The following PIKFYVE variants were observed in gnomAD, a reference collection of about 807,000 sequenced individuals.
PIKFYVE encodes 1-phosphatidylinositol 3-phosphate 5-kinase.
Under a neutral mutation model 257.9 loss-of-function variants are expected in PIKFYVE, and 122 were observed. The observed-to-expected ratio is 0.47, with a 90% CI of 0.41 to 0.55. PIKFYVE has a LOEUF of 0.55. PIKFYVE is among the 20% of genes least tolerant of loss of function. The probability of loss-of-function intolerance (pLI) is 0.00; values close to 1 mark genes in which losing one functional copy is unlikely to be tolerated. For missense variants in PIKFYVE, 2,160 were observed against 2,536.6 expected, an observed-to-expected ratio of 0.85 and a Z score of 3.19; for synonymous variants, 892 against 868.9, an observed-to-expected ratio of 1.03 and a Z score of -0.47.
chr2:208,354,700 T>A, intron 41 of PIKFYVE, 55 bp downstream of exon 41: 1 of 1,381,110 alleles, frequency 7.2e-7, no homozygotes, highest in Non-Finnish European at 1.0e-6. Context: ...TCAGTTAAAA[T>A]TTTAAAAGTG....
intron 21 of PIKFYVE, among the ~76,000 whole-genome samples, chr2:208,329,269 G>A (rs553382045): frequency 4.7e-4 from 71 of 152,254 alleles, no homozygotes; most frequent in South Asian, 1.5e-3. Flanking sequence ...GTGAGCTCAT[G>A]GGTTCTTCTA....
intron 23 of PIKFYVE, among the ~76,000 whole-genome samples, 166 bp downstream of exon 23, chr2:208,330,860 A>G (rs1697463960): frequency 6.6e-6 from 1 of 151,442 alleles, no homozygotes; most frequent in South Asian, 2.1e-4. Flanking sequence ...TCAATCTAGT[A>G]TTCGTTTTTT....
intron 20 of PIKFYVE, among the ~76,000 whole-genome samples, chr2:208,327,565 C>G (rs190986056): frequency 2.8e-4 from 43 of 152,218 alleles, no homozygotes; most frequent in African/African-American, 7.7e-4. Context: ...ACAAAACCCC[C>G]TGTTTGTACT....
chr2:208,346,438 T>C (rs1574741571), intron 34 of PIKFYVE, among the ~76,000 whole-genome samples: 3 of 152,334 alleles, frequency 2.0e-5, no homozygotes, highest in Admixed American at 2.0e-4. Flanking sequence ...GTTTAAAATA[T>C]ACAACCTAAG....
At chr2:208,294,789 C>G (rs1206577390) in intron 7 of PIKFYVE, among the ~76,000 whole-genome samples, 1 of 152,118 alleles carries the variant, frequency 6.6e-6, no homozygotes, top group Non-Finnish European at 1.5e-5. Context: ...AGGTTAGGCT[C>G]TGGTAAAATA....
chr2:208,291,668 C>T (rs1052705010), intron 7 of PIKFYVE, among the ~76,000 whole-genome samples: 6 of 151,976 alleles, frequency 3.9e-5, no homozygotes, highest in Admixed American at 6.6e-5. Context: ...AGGTCTGTTT[C>T]GATTTTCATT....
chr2:208,351,980 A>AT (rs1699815548), intron 38 of PIKFYVE, among the ~76,000 whole-genome samples: 1 of 152,144 alleles, frequency 6.6e-6, no homozygotes, highest in African/African-American at 2.4e-5. Context: ...GGTAAGATAT[A>AT]TGCAGGACAC....
chr2:208,301,725 G>A (rs1693705495), intron 9 of PIKFYVE, among the ~76,000 whole-genome samples: 1 of 152,148 alleles, frequency 6.6e-6, no homozygotes, highest in Non-Finnish European at 1.5e-5. Flanking sequence ...TCACCATGAG[G>A]AAAATTGTGT....
At chr2:208,343,374 C>CT (rs1698904952) in intron 32 of PIKFYVE, among the ~76,000 whole-genome samples, 1 of 152,174 alleles carries the variant, frequency 6.6e-6, no homozygotes, top group Non-Finnish European at 1.5e-5. Flanking sequence ...AATTTTTCTA[C>CT]TTAGAAAACA....
chr2:208,283,837 G>T (rs1023594971), intron 5 of PIKFYVE, among the ~76,000 whole-genome samples: 1 of 152,114 alleles, frequency 6.6e-6, no homozygotes. Flanking sequence ...GCCTGCCTTG[G>T]CCTCCCAAAG....
At chr2:208,334,687 G>T (rs1697939189) in intron 24 of PIKFYVE, among the ~76,000 whole-genome samples, 1 of 152,116 alleles carries the variant, frequency 6.6e-6, no homozygotes, top group Admixed American at 6.6e-5. Context: ...CTGAACATCT[G>T]ATATGTATTT....
chr2:208,332,507 A>G (rs1199152983), intron 23 of PIKFYVE, among the ~76,000 whole-genome samples: 4 of 152,212 alleles, frequency 2.6e-5, no homozygotes, highest in Non-Finnish European at 5.9e-5. Context: ...GTAAATATGT[A>G]TATACAAGGA....
At chr2:208,353,656 A>G (rs1699969631) in intron 39 of PIKFYVE, among the ~76,000 whole-genome samples, 1 of 152,088 alleles carries the variant, frequency 6.6e-6, no homozygotes, top group East Asian at 1.9e-4. Context: ...CGTTTCAGTA[A>G]TTGAGTACCT....
intron 28 of PIKFYVE, among the ~76,000 whole-genome samples, chr2:208,337,715 A>G (rs1698290499): frequency 6.6e-6 from 1 of 151,770 alleles, no homozygotes. Flanking sequence ...CTTTTCAGGG[A>G]CTCTGCAAAA....
intron 6 of PIKFYVE, among the ~76,000 whole-genome samples, chr2:208,288,049 AT>A: frequency 6.6e-6 from 1 of 152,336 alleles, no homozygotes; most frequent in Middle Eastern, 3.4e-3. Context: ...TTAGTTAGTA[AT>A]GCTTTTTAGT....
chr2:208,354,271 C>T, intron 40 of PIKFYVE, 112 bp downstream of exon 40: 4 of 1,357,922 alleles, frequency 2.9e-6, no homozygotes, highest in African/African-American at 1.5e-5. Context: ...CACAAACTTT[C>T]ATTTGAAATT....
Position 208,324,919 on chromosome 2 carries a change from G to T in PIKFYVE, c.2340G>T (p.Leu780Phe). The change falls in exon 19 of 42, where the codon TTG becomes TTT. Residue 780 changes from leucine to phenylalanine, a missense_variant. Leu to Phe is a conservative substitution (Grantham distance 22, BLOSUM62 0). Transcript: ENST00000264380. ...TLVINVKSQV[L>F]ERISRMTQGD... ...GTTTTTCTGTTTTGTAGCAAGTTTTGGAACGAATCAGTCGAATGACCCAAG... is the reference window on the plus strand; with the variant it reads ...GTTTTTCTGTTTTGTAGCAAGTTTTTGAACGAATCAGTCGAATGACCCAAG... 6 of 1,613,836 alleles carry T rather than the reference G, an allele frequency of 3.7e-6. No individual in the cohort carries two copies. The highest frequency in any genetic ancestry group is 5.1e-6 in the Non-Finnish European group (6 of 1,179,860).
chr2:208,315,305 A>T lies in PIKFYVE; in HGVS notation c.1939A>T (p.Thr647Ser). The T allele has an allele frequency of 6.2e-7, 1 of 1,614,166 alleles. No homozygotes were observed. The highest frequency in any genetic ancestry group is 8.5e-7 in the Non-Finnish European group (1 of 1,180,020). ...IVSLVCQVVQ[T>S]VRPDVKNQDD... ...GTCATTGGTCTGCCAGGTTGTTCAG[A>T]CAGTCCGACCTGATGTCAAGAACCA... Residue 647 changes from threonine to serine, a missense_variant, in exon 15 of 42, where the codon ACA becomes TCA. Thr to Ser is a moderately conservative substitution (Grantham distance 58). Around this residue, in one of 12 missense-constraint regions of PIKFYVE, gnomAD observed 346 missense variants for 365.6 expected, o/e 0.95. Transcript: ENST00000264380.
In PIKFYVE at chr2:208,342,567, C is replaced by T; in HGVS notation, c.4945C>T (p.His1649Tyr). Reference sequence around the variant, plus strand: ...AAATTTGCATAGTGATCCAGATAAACACTACTTAATGTATGAACATGAACG... The same window carrying T: ...AAATTTGCATAGTGATCCAGATAAATACTACTTAATGTATGAACATGAACG... ...PIPFPFDPDK[H>Y]YLMYEHERVP... Residue 1649 changes from histidine to tyrosine, a missense_variant, in exon 32 of 42, where the codon CAC (histidine) becomes TAC (tyrosine). His to Tyr is a moderately conservative substitution (Grantham distance 83, BLOSUM62 2). Around this residue, in one of 12 missense-constraint regions of PIKFYVE, gnomAD observed 699 missense variants for 855.8 expected, o/e 0.82. Coordinates refer to ENST00000264380, the MANE Select transcript of PIKFYVE (RefSeq NM_015040.4). The T allele has an allele frequency of 6.2e-7, 1 of 1,613,300 alleles. No individual in the cohort carries two copies. The highest frequency in any genetic ancestry group is 8.5e-7 in the Non-Finnish European group (1 of 1,179,308).
Sources: allele counts gnomAD v4.1 joint callset (sites outside exome capture counted in the v4.1 genomes callset), GRCh38; gene constraint gnomAD v4.1.1; regional missense constraint gnomAD v4.1.1; transcripts MANE v1.5; gene names NCBI Gene and HGNC (gene_info 2026-07-23, HGNC 2026-07-21).